Variants in ARMC3 observed in about 807,000 individuals in gnomAD.
ARMC3 encodes the protein armadillo repeat-containing protein 3.
A neutral mutation model predicts 90.3 loss-of-function variants in ARMC3; 74 were observed. The observed-to-expected ratio is 0.82, with a 90% CI of 0.68 to 0.99. ARMC3 has a LOEUF of 0.99. ARMC3 is among the 50% of genes least tolerant of loss of function. The probability of loss-of-function intolerance (pLI) is 0.00; values close to 1 mark genes in which losing one functional copy is unlikely to be tolerated. For missense variants in ARMC3, 958 were observed against 1,042.8 expected, an observed-to-expected ratio of 0.92 and a Z score of 1.12; for synonymous variants, 334 against 361.8, an observed-to-expected ratio of 0.92 and a Z score of 0.87.
At chr10:23,028,152 C>G (rs761556966) in intron 16 of ARMC3, among the ~76,000 whole-genome samples, 3 of 152,044 alleles carry the variant, frequency 2.0e-5, no homozygotes, top group Non-Finnish European at 4.4e-5. Context: ...CAAAAACAAA[C>G]AAAGAACAAC....
chr10:22,990,245 C>G (rs925162818), intron 10 of ARMC3, among the ~76,000 whole-genome samples: 7 of 151,940 alleles, frequency 4.6e-5, no homozygotes, highest in African/African-American at 1.7e-4. Flanking sequence ...TTATGTTAAT[C>G]ATTTCTCTTG....
At chr10:23,006,057 T>C (rs1241056839) in intron 13 of ARMC3, among the ~76,000 whole-genome samples, 1 of 152,070 alleles carries the variant, frequency 6.6e-6, no homozygotes, top group African/African-American at 2.4e-5. Context: ...GTGAGGACCT[T>C]AGTCCCGGGC....
intron 13 of ARMC3, among the ~76,000 whole-genome samples, chr10:23,004,376 T>C (rs1201523073): frequency 6.6e-6 from 1 of 151,732 alleles, no homozygotes; most frequent in African/African-American, 2.4e-5. Context: ...CAAACAATTT[T>C]AAGGGTTGCC....
intron 13 of ARMC3, 107 bp from the exon 14 acceptor site, chr10:23,006,777 T>C (rs1837632992): frequency 2.4e-6 from 2 of 850,030 alleles, no homozygotes; most frequent in Non-Finnish European, 4.0e-6. Flanking sequence ...TGTTTGTGTG[T>C]GTGAAATGAG....
chr10:22,959,412 C>T lies in ARMC3; in HGVS notation c.375C>T (p.Ile125=), dbSNP rs761600356. The T allele has an allele frequency of 2.6e-5, 42 of 1,603,672 alleles. No individual in the cohort carries two copies. The highest frequency in any genetic ancestry group is 3.2e-5 in the Non-Finnish European group (38 of 1,177,172). Residue 125 remains isoleucine (I), a synonymous_variant, in exon 6 of 19, where the codon ATC becomes ATT. Transcript: ENST00000298032. ...AQLAPEEEVV[I]HEFASLCLAN... ...TTTGATACACAGAAGAAGTAGTTAT[C>T]CATGAGTTTGCTAGTCTTTGTCTAG...
intron 16 of ARMC3, among the ~76,000 whole-genome samples, chr10:23,010,067 T>C (rs1220750114): frequency 6.6e-6 from 1 of 151,962 alleles, no homozygotes; most frequent in African/African-American, 2.4e-5. Flanking sequence ...TGCTCAATAT[T>C]CTCATCACTG....
intron 16 of ARMC3, among the ~76,000 whole-genome samples, chr10:23,022,857 A>G (rs922501531): frequency 6.6e-6 from 1 of 152,022 alleles, no homozygotes; most frequent in Admixed American, 6.6e-5. Context: ...TCAGACCAGG[A>G]TGTGGCCAGC....
Position 22,952,414 on chromosome 10 carries a change from C to A in ARMC3, c.167-3393C>A, listed in dbSNP as rs552265702. Among the ~76,000 whole-genome samples the A allele has an allele frequency of 3.9e-5, 6 of 152,192 alleles. No individual in the cohort carries two copies. The South Asian group carries it at 1.2e-3, about 32-fold the overall frequency. ...GAGGAATATTATGAATAAATTAATA[C>A]CAATAAATTCTACAACTTAGATTAA... On this transcript the variant is annotated intron_variant, in intron 3 of 18. Transcript: ENST00000298032.
intron 8 of ARMC3, among the ~76,000 whole-genome samples, chr10:22,978,775 A>C (rs1352114405): frequency 6.6e-6 from 1 of 152,114 alleles, no homozygotes; most frequent in South Asian, 2.1e-4. Context: ...GATTTTGACA[A>C]ATATTGCTCC....
At chr10:22,930,603 G>C (rs16922800) in intron 1 of ARMC3, among the ~76,000 whole-genome samples, 9,101 of 152,244 alleles carry the variant, frequency 0.06, 894 homozygotes, top group African/African-American at 0.2. Flanking sequence ...CCTTTCAGAA[G>C]TATCTAGGAG....
chr10:22,985,027 C>A (rs1836352836), intron 10 of ARMC3, among the ~76,000 whole-genome samples: 1 of 149,112 alleles, frequency 6.7e-6, no homozygotes, highest in Admixed American at 6.7e-5. Context: ...CATGCACCAT[C>A]CCACCCAGTT....
chr10:23,004,939 G>A (rs11013232), intron 13 of ARMC3, among the ~76,000 whole-genome samples: 26,687 of 152,094 alleles, frequency 0.18, 2,435 homozygotes, highest in African/African-American at 0.19. Flanking sequence ...GAGGGGGGCC[G>A]GGCGTGGTGG....
chr10:23,021,469 C>T (rs1296938984), intron 16 of ARMC3, among the ~76,000 whole-genome samples: 2 of 152,182 alleles, frequency 1.3e-5, no homozygotes, highest in Non-Finnish European at 2.9e-5. Context: ...ACCTTGCCAA[C>T]ATCTGTTAAT....
chr10:22,961,908 C>G lies in ARMC3; in HGVS notation c.562C>G (p.Gln188Glu). ...GGATTTTCAGTGTCGAGCTAAACTT[C>G]AAGAACTAAATGCAATACCTCCTAT... ...VQDFQCRAKL[Q>E]ELNAIPPILD... is the part of the protein sequence containing the mutation. The change falls in exon 7 of 19, where the codon CAA becomes GAA. Residue 188 changes from glutamine to glutamate, a missense_variant. Coordinates refer to ENST00000298032, the MANE Select transcript of ARMC3 (RefSeq NM_173081.5). The G allele has an allele frequency of 6.2e-7, 1 of 1,605,918 alleles. No individual in the cohort carries two copies. The highest frequency in any genetic ancestry group is 8.5e-7 in the Non-Finnish European group (1 of 1,177,696).
intron 18 of ARMC3, 129 bp downstream of exon 18, chr10:23,033,152 C>T (rs1012912397): frequency 3.2e-5 from 28 of 864,010 alleles, no homozygotes; most frequent in African/African-American, 2.4e-4. Context: ...TTTATATCTA[C>T]ATATAAGTGT....
intron 1 of ARMC3, among the ~76,000 whole-genome samples, chr10:22,928,565 T>C (rs182804388): frequency 6.6e-6 from 1 of 151,686 alleles, no homozygotes. Flanking sequence ...TAGAGCAGAG[T>C]TGTTTGCATA....
intron 17 of ARMC3, chr10:23,031,121 G>C (rs1045535840): frequency 1.4e-5 from 3 of 220,216 alleles, no homozygotes; most frequent in Non-Finnish European, 2.7e-5. Flanking sequence ...TCATCCCTTA[G>C]GTGGATGGGG....
chr10:23,028,107 G>A (rs1270200263), intron 16 of ARMC3, among the ~76,000 whole-genome samples: 1 of 152,110 alleles, frequency 6.6e-6, no homozygotes, highest in African/African-American at 2.4e-5. Context: ...GGCAGCCAGT[G>A]CACCCCAGCC....
At chr10:23,000,514 G>C (rs368762836) in intron 11 of ARMC3, among the ~76,000 whole-genome samples, 1 of 152,102 alleles carries the variant, frequency 6.6e-6, no homozygotes, top group Non-Finnish European at 1.5e-5. Flanking sequence ...TCATCCCTGT[G>C]TCCATGTCAT....
Sources: allele counts gnomAD v4.1 joint callset (sites outside exome capture counted in the v4.1 genomes callset), GRCh38; gene constraint gnomAD v4.1.1; transcripts MANE v1.5; gene names NCBI Gene and HGNC (gene_info 2026-07-23, HGNC 2026-07-21).